Variants in VPS13B observed in about 807,000 individuals in gnomAD.
VPS13B encodes intermembrane lipid transfer protein VPS13B.
A neutral mutation model predicts 426.4 loss-of-function variants in VPS13B; 285 were observed. That is an observed-to-expected ratio of 0.67 (90% CI 0.61 to 0.74). The LOEUF (loss-of-function observed/expected upper bound fraction) is 0.74, where lower values mean the gene tolerates loss of function less well. Among genes scored for constraint, VPS13B ranks in the 30% least tolerant of loss-of-function variants. The pLI is 0.00. For missense variants in VPS13B, 4,537 were observed against 4,782.6 expected (o/e 0.95, Z 1.51); for synonymous variants, 1,676 against 1,676.4 (o/e 1.00, Z 0.01).
At position 99,481,713 on chromosome 8, in the gene VPS13B, C is replaced by G; in HGVS notation, c.3781C>G (p.Pro1261Ala). 6.2e-7 allele frequency: 1 copy of G among 1,614,004 alleles called. No individual in the cohort carries two copies. Among genetic ancestry groups the G allele is most frequent in the Non-Finnish European group, 8.5e-7 (1 of 1,179,920 alleles). ...TSPETMAGPV[P>A]TSPVRSSIGT... Reference sequence around the variant, plus strand: ...TCCAGAGACCATGGCAGGGCCTGTTCCTACTTCTCCAGTTAGAAGCAGTAT... The same window carrying G: ...TCCAGAGACCATGGCAGGGCCTGTTGCTACTTCTCCAGTTAGAAGCAGTAT... The change falls in exon 25 of 62, where the codon CCT becomes GCT. Residue 1261 changes from proline to alanine, a missense_variant. Pro to Ala is a conservative substitution (Grantham distance 27). Around this residue, in one of 2 missense-constraint regions of VPS13B, gnomAD observed 4,311 missense variants for 4,474.3 expected, o/e 0.96. Transcript: ENST00000357162.
In VPS13B at chr8:99,720,251, A is replaced by G. The variant is rs114619467; in HGVS notation, c.6658-94A>G. 804 of 986,790 alleles carry G rather than the reference A, an allele frequency of 8.1e-4. 5 individuals are homozygous for G. In the African/African-American group the frequency reaches 0.011, roughly 14 times the overall value. The allele number at this position is 986,790 out of a possible 1,614,324, so 61.1% of individuals were successfully genotyped here. On this transcript the variant is annotated intron_variant, in intron 37 of 61. Transcript: ENST00000357162. ...ATAAGTAATTAAATTGAACATAATT[A>G]CAGTCCTACATTAATTCAAATATGA...
At chr8:99,029,821 G>C (rs191095088) in intron 2 of VPS13B, among the ~76,000 whole-genome samples, 48 of 150,800 alleles carry the variant, frequency 3.2e-4, no homozygotes, top group African/African-American at 6.9e-4. Flanking sequence ...GAGAGGGAGA[G>C]GGAGAGGGAG....
chr8:99,426,218 C>T (rs1444199931), intron 21 of VPS13B, among the ~76,000 whole-genome samples: 21 of 142,782 alleles, frequency 1.5e-4, no homozygotes, highest in African/African-American at 5.6e-4. Context: ...CAATTTCATC[C>T]ATGTCCCTAC....
chr8:99,165,992 T>G (rs546653710), intron 15 of VPS13B, among the ~76,000 whole-genome samples: 69 of 152,352 alleles, frequency 4.5e-4, no homozygotes, highest in Admixed American at 1.1e-3. Context: ...ATTTATTTAT[T>G]TTTTTGAGAT....
intron 19 of VPS13B, among the ~76,000 whole-genome samples, chr8:99,294,983 T>C (rs1312206678): frequency 6.6e-6 from 1 of 152,214 alleles, no homozygotes; most frequent in Non-Finnish European, 1.5e-5. Context: ...TCCTTTTTAG[T>C]TGATGTGTTA....
At chr8:99,687,974 A>G (rs1335821278) in intron 35 of VPS13B, among the ~76,000 whole-genome samples, 1 of 152,022 alleles carries the variant, frequency 6.6e-6, no homozygotes, top group African/African-American at 2.4e-5. Context: ...ATGCTGAAGC[A>G]GTATCCCAAT....
At chr8:99,495,894 G>A (rs959665048) in intron 25 of VPS13B, among the ~76,000 whole-genome samples, 8 of 152,138 alleles carry the variant, frequency 5.3e-5, no homozygotes, top group East Asian at 3.8e-4. Context: ...CGGTTGAGGC[G>A]TCTGGTGAGT....
intron 3 of VPS13B, among the ~76,000 whole-genome samples, chr8:99,048,855 C>T (rs1289337528): frequency 6.6e-6 from 1 of 151,188 alleles, no homozygotes; most frequent in Admixed American, 6.6e-5. Context: ...GTGTTAAGTG[C>T]ATATGTATTT....
chr8:99,173,726 A>G (rs1375402531), intron 16 of VPS13B, among the ~76,000 whole-genome samples: 1 of 152,168 alleles, frequency 6.6e-6, no homozygotes, highest in Non-Finnish European at 1.5e-5. Flanking sequence ...GCTTTTATGG[A>G]ATGTTTTGAA....
At chr8:99,092,369 T>C (rs922067430) in intron 3 of VPS13B, among the ~76,000 whole-genome samples, 1 of 152,188 alleles carries the variant, frequency 6.6e-6, no homozygotes, top group Non-Finnish European at 1.5e-5. Context: ...ATGACTGTAA[T>C]GCTTTTGGTG....
rs564493504 is a variant in VPS13B at position 99,489,185 on chromosome 8, G to A, written c.3870+7383G>A. 1.5e-3 allele frequency among the ~76,000 whole-genome samples: 226 copies of A among 152,264 alleles called. 1 individual carries two copies. The highest frequency in any genetic ancestry group is 5.2e-3 in the African/African-American group (215 of 41,558). On this transcript the variant is annotated intron_variant, in intron 25 of 61. Coordinates refer to ENST00000357162, the MANE Select transcript of VPS13B (RefSeq NM_152564.5). ...TTTTTGTCAGGTTTGTCAAAGATCA[G>A]ATTGTTGTAGATGTGTGGTGTTATT...
chr8:99,701,187 G>T (rs1832265672), intron 36 of VPS13B, among the ~76,000 whole-genome samples: 1 of 152,140 alleles, frequency 6.6e-6, no homozygotes, highest in Non-Finnish European at 1.5e-5. Context: ...TGTCTTAAAA[G>T]TTACAAGTGA....
intron 8 of VPS13B, among the ~76,000 whole-genome samples, chr8:99,122,047 GT>G (rs1170930191): frequency 6.7e-6 from 1 of 149,968 alleles, no homozygotes; most frequent in Non-Finnish European, 1.5e-5. Context: ...ATTTTGTAGA[GT>G]TGGGGTTTTG....
intron 52 of VPS13B, among the ~76,000 whole-genome samples, chr8:99,834,935 A>G (rs1815304593): frequency 6.6e-6 from 1 of 152,212 alleles, no homozygotes; most frequent in South Asian, 2.1e-4. Flanking sequence ...GGGGGAAGAA[A>G]AGAACAACAG....
chr8:99,659,728 T>C (rs1164420643), intron 34 of VPS13B, among the ~76,000 whole-genome samples: 1 of 152,214 alleles, frequency 6.6e-6, no homozygotes, highest in Non-Finnish European at 1.5e-5. Flanking sequence ...CATTTCTACA[T>C]CAATTTAATC....
chr8:99,161,867 G>C (rs1458374131), intron 15 of VPS13B, among the ~76,000 whole-genome samples: 3 of 151,518 alleles, frequency 2.0e-5, no homozygotes, highest in African/African-American at 7.3e-5. Context: ...CGAGTAGCTA[G>C]GATTACAGGT....
At chr8:99,410,570 AT>A (rs1359753037) in intron 21 of VPS13B, among the ~76,000 whole-genome samples, 8 of 149,510 alleles carry the variant, frequency 5.4e-5, no homozygotes, top group Non-Finnish European at 1.2e-4. Flanking sequence ...TTATTTATTT[AT>A]TTATTATTAT....
chr8:99,500,947 G>A (rs1821198771), intron 25 of VPS13B, among the ~76,000 whole-genome samples: 1 of 152,164 alleles, frequency 6.6e-6, no homozygotes, highest in South Asian at 2.1e-4. Context: ...AAGTTCGTTA[G>A]CACTGACTTT....
chr8:99,215,079 T>G (rs1416987778), intron 17 of VPS13B, among the ~76,000 whole-genome samples: 1 of 152,186 alleles, frequency 6.6e-6, no homozygotes, highest in African/African-American at 2.4e-5. Flanking sequence ...GCAGGTTGCA[T>G]GTCTGATTTT....
Sources: gnomAD v4.1 joint callset for allele counts (sites outside exome capture counted in the v4.1 genomes callset) on GRCh38, gnomAD v4.1.1 for gene constraint, gnomAD v4.1.1 regional missense constraint, MANE v1.5 for transcripts, NCBI Gene and HGNC (gene_info 2026-07-23, HGNC 2026-07-21) for gene names.